DLAT: variants seen among roughly 807,000 people sequenced by gnomAD.
DLAT encodes dihydrolipoamide S-acetyltransferase.
DLAT carries 43 observed loss-of-function variants against 68.0 expected under a neutral mutation model. The ratio of observed to expected loss-of-function variants is 0.63; its 90% CI spans 0.50 to 0.81. The LOEUF is 0.81. Among genes scored for constraint, DLAT ranks in the 40% least tolerant of loss-of-function variants. The pLI is 0.00. For synonymous variants in DLAT, 265 were observed against 288.6 expected (o/e 0.92, Z 0.83); for missense variants, 745 against 815.4 (o/e 0.91, Z 1.05).
intron 13 of DLAT, 109 bp from the exon 14 acceptor site, chr11:112,062,296 GA>G (rs1304967237): frequency 7.0e-6 from 8 of 1,141,414 alleles, no homozygotes; most frequent in Non-Finnish European, 1.0e-5. Context: ...GAGTAGATAG[GA>G]AGTATTACCT....
chr11:112,060,230 C>G (rs1003096990), intron 12 of DLAT, among the ~76,000 whole-genome samples, 165 bp downstream of exon 12: 6 of 140,400 alleles, frequency 4.3e-5, no homozygotes, highest in Non-Finnish European at 7.5e-5. Flanking sequence ...GGCATGATCT[C>G]GGCTCACTGC....
chr11:112,039,199 C>G, intron 6 of DLAT, 45 bp from the exon 7 acceptor site: 1 of 1,604,388 alleles, frequency 6.2e-7, no homozygotes, highest in Non-Finnish European at 8.5e-7. Flanking sequence ...TCAGACCAGT[C>G]TTTGAAGTGG....
At chr11:112,044,347 A>T (rs1269961935) in intron 8 of DLAT, among the ~76,000 whole-genome samples, 1 of 152,226 alleles carries the variant, frequency 6.6e-6, no homozygotes, top group African/African-American at 2.4e-5. Flanking sequence ...GGTGCATGCC[A>T]TCACACCTGG....
At chr11:112,052,564 G>A (rs1180283605) in intron 11 of DLAT, among the ~76,000 whole-genome samples, 3 of 152,154 alleles carry the variant, frequency 2.0e-5, no homozygotes, top group Non-Finnish European at 4.4e-5. Context: ...TGGCTAGGGC[G>A]AGGTTTGAGG....
chr11:112,025,456 G>C lies in DLAT; in HGVS notation c.-17G>C, dbSNP rs782531101. ...GGAGACGGCGTTGGTTTTGGGGTGT[G>C]GGGGGTTGGTGGCACTATGTGGCGC... On this transcript the variant is annotated 5_prime_UTR_variant, in exon 1 of 14. Coordinates refer to ENST00000280346, the MANE Select transcript of DLAT (RefSeq NM_001931.5). The C allele has an allele frequency of 3.1e-6, 5 of 1,608,208 alleles. No homozygotes were observed. In the Admixed American group the frequency reaches 6.7e-5, roughly 22 times the overall value.
Position 112,037,778 on chromosome 11 carries a change from C to CTT in DLAT, c.975+332_975+333dup, listed in dbSNP as rs35822904. 6.7e-3 allele frequency among the ~76,000 whole-genome samples: 953 copies of CTT among 143,220 alleles called. 14 individuals are homozygous for CTT. Among genetic ancestry groups the CTT allele is most frequent in the African/African-American group, 0.019 (751 of 38,774 alleles). 94.0% of individuals were successfully genotyped at this position (143,220 alleles called of 152,430 possible). A position where few individuals can be genotyped will look rare whatever the true frequency, so the allele number is the denominator to read the frequency against. Reference sequence around the variant, plus strand: ...GAAAGTAAGGCTTCATTGCCCCACCCTTTTTTTTTTTTTTTAAGAGACAAG... The same window carrying CTT: ...GAAAGTAAGGCTTCATTGCCCCACCCTTTTTTTTTTTTTTTTTAAGAGACAAG... On this transcript the variant is annotated intron_variant, in intron 6 of 13. Transcript: ENST00000280346.
chr11:112,041,632 C>T (rs1205826859), intron 7 of DLAT, among the ~76,000 whole-genome samples: 1 of 152,152 alleles, frequency 6.6e-6, no homozygotes, highest in Non-Finnish European at 1.5e-5. Flanking sequence ...CCTGTAATCC[C>T]AGCACTTTGG....
At position 112,039,308 on chromosome 11, in the gene DLAT, C is replaced by G. The variant is rs982032675; in HGVS notation, c.1040C>G (p.Thr347Ser). The G allele has an allele frequency of 2.5e-6, 4 of 1,614,134 alleles. No homozygotes were observed. Among genetic ancestry groups the G allele is most frequent in the Middle Eastern group, 1.6e-4 (1 of 6,062 alleles). ...ACACCTTCAGCACCCTGCCCAGCTA[C>G]TCCTGCTGGACCAAAGGGAAGGGTG... ...APTPSAPCPA[T>S]PAGPKGRVFV... is the part of the protein sequence containing the mutation. The change falls in exon 7 of 14, where the codon ACT (threonine) becomes AGT (serine). Residue 347 changes from threonine to serine, a missense_variant. By Grantham distance (58) the Thr-to-Ser change is moderately conservative (BLOSUM62 1). Coordinates refer to ENST00000280346, the MANE Select transcript of DLAT (RefSeq NM_001931.5).
rs782205937 is a variant in DLAT at position 112,028,531 on chromosome 11, C to T, written c.398C>T (p.Ala133Val). 7 of 1,613,862 alleles carry T rather than the reference C, an allele frequency of 4.3e-6. No homozygotes were observed. Among genetic ancestry groups the T allele is most frequent in the African/African-American group, 1.3e-5 (1 of 74,946 alleles). Reference protein sequence around the residue: ...DLIAEVETDKATVGFESLEEC... With the variant: ...DLIAEVETDKVTVGFESLEEC... ...TGTTAAAAGGTTGAAACTGATAAAGCCACTGTTGGATTTGAGAGCCTGGAG... is the reference window on the plus strand; with the variant it reads ...TGTTAAAAGGTTGAAACTGATAAAGTCACTGTTGGATTTGAGAGCCTGGAG... Residue 133 changes from alanine to valine, a missense_variant, in exon 3 of 14, where the codon GCC (alanine) becomes GTC (valine). Transcript: ENST00000280346.
rs781796619 is a variant in DLAT, at chr11:112,035,790, CT to C, written c.788-1465del. Among the ~76,000 whole-genome samples the C allele has an allele frequency of 9.9e-3, 1,056 of 106,682 alleles. 10 individuals carry two copies. Among genetic ancestry groups the C allele is most frequent in the African/African-American group, 0.034 (911 of 26,734 alleles). The allele number at this position is 106,682 out of a possible 152,430, so 70.0% of individuals were successfully genotyped here. The stretch of plus-strand genomic sequence containing the variant: ...GGCGTGAGCCACCACCGCACCCAGC[CT>C]TTTTTTTTTTTTTTTTTGAGATAGA... On this transcript the variant is annotated intron_variant, in intron 5 of 13. Transcript: ENST00000280346.
At chr11:112,031,108 TAAG>T (rs1862368222) in intron 4 of DLAT, among the ~76,000 whole-genome samples, 1 of 152,214 alleles carries the variant, frequency 6.6e-6, no homozygotes, top group Non-Finnish European at 1.5e-5. Context: ...CACTGTTTCT[TAAG>T]AAGCAGATGA....
intron 10 of DLAT, among the ~76,000 whole-genome samples, chr11:112,050,571 G>C (rs1313690368): frequency 2.0e-5 from 3 of 152,144 alleles, no homozygotes; most frequent in African/African-American, 7.2e-5. Context: ...GGTCTATTCA[G>C]AGTTTTTGTT....
chr11:112,028,270 T>C lies in DLAT; in HGVS notation c.382-245T>C, dbSNP rs185192961. Among the ~76,000 whole-genome samples the C allele has an allele frequency of 5.6e-3, 846 of 151,840 alleles. 27 individuals are homozygous for C. The highest frequency in any genetic ancestry group is 0.051 in the Admixed American group (775 of 15,240). On this transcript the variant is annotated intron_variant, in intron 2 of 13. Coordinates refer to ENST00000280346, the MANE Select transcript of DLAT (RefSeq NM_001931.5). ...CCCGTCTCTGCTAAAAATACAAAAA[T>C]CAGCCGGGCATGGCAGCCTGTTCCT...
rs1256176699 is a variant in DLAT, at chr11:112,057,196, T to C, written c.1515-2707T>C. 2.0e-5 allele frequency among the ~76,000 whole-genome samples: 3 copies of C among 152,244 alleles called. No individual in the cohort carries two copies. In the East Asian group the frequency reaches 5.8e-4, roughly 29 times the overall value. ...CTGGTTGATAGAATTGATAGAATTATCAACCAGCTGTTCCTCTGTCTCTCT... is the reference window on the plus strand; with the variant it reads ...CTGGTTGATAGAATTGATAGAATTACCAACCAGCTGTTCCTCTGTCTCTCT... On this transcript the variant is annotated intron_variant, in intron 11 of 13. Transcript: ENST00000280346.
intron 2 of DLAT, among the ~76,000 whole-genome samples, 181 bp from the exon 3 acceptor site, chr11:112,028,334 G>A (rs897267527): frequency 1.3e-5 from 2 of 148,816 alleles, no homozygotes; most frequent in Non-Finnish European, 3.0e-5. Context: ...CAGGATAATC[G>A]CTTGAACCTG....
intron 7 of DLAT, among the ~76,000 whole-genome samples, chr11:112,040,301 A>G (rs1862984502): frequency 6.6e-6 from 1 of 152,208 alleles, no homozygotes; most frequent in Non-Finnish European, 1.5e-5. Flanking sequence ...AACTTACCAT[A>G]CTTAATGTAC....
chr11:112,060,122 T>A, intron 12 of DLAT, 57 bp downstream of exon 12: 1 of 1,472,104 alleles, frequency 6.8e-7, no homozygotes, highest in Non-Finnish European at 9.4e-7. Flanking sequence ...GCATAATGCA[T>A]TTATTGCATT....
At chr11:112,040,274 C>T (rs1315502080) in intron 7 of DLAT, among the ~76,000 whole-genome samples, 2 of 152,118 alleles carry the variant, frequency 1.3e-5, no homozygotes, top group African/African-American at 4.8e-5. Context: ...ATGGCTTGTA[C>T]TATGTGTCAG....
chr11:112,028,917 C>T lies in DLAT; in HGVS notation c.632C>T (p.Pro211Leu), dbSNP rs1862244311. ...CCACCTACACCTTCTGCTCAGGCTC[C>T]TGGTAGCTCATATCCCCCTCACATG... The part of the protein sequence containing the change: ...ASPPTPSAQA[P>L]GSSYPPHMQV... Residue 211 changes from proline (P) to leucine (L), a missense_variant, in exon 4 of 14, where the codon CCT becomes CTT. Physicochemically the swap from Pro to Leu is moderately conservative, Grantham distance 98. Transcript: ENST00000280346. The T allele has an allele frequency of 6.2e-7, 1 of 1,614,204 alleles. No homozygotes were observed. Among genetic ancestry groups the T allele is most frequent in the Non-Finnish European group, 8.5e-7 (1 of 1,180,044 alleles).
Sources: gnomAD v4.1 joint callset for allele counts (sites outside exome capture counted in the v4.1 genomes callset) on GRCh38, gnomAD v4.1.1 for gene constraint, MANE v1.5 for transcripts, NCBI Gene and HGNC (gene_info 2026-07-23, HGNC 2026-07-21) for gene names.